The following ERBB4 variants were observed in gnomAD, a reference collection of about 807,000 sequenced individuals.
ERBB4 encodes the protein receptor tyrosine-protein kinase erbB-4.
Under a neutral mutation model 158.0 loss-of-function variants are expected in ERBB4, and 42 were observed. The observed-to-expected ratio is 0.27, with a 90% confidence interval of 0.21 to 0.34. The LOEUF (loss-of-function observed/expected upper bound fraction) is 0.34. ERBB4 is among the 10% of genes least tolerant of loss of function. The pLI, the probability that ERBB4 is intolerant of heterozygous loss-of-function variation, is 1.00. For synonymous variants in ERBB4, 583 were observed against 558.7 expected (o/e 1.04, Z -0.61); for missense variants, 1,333 against 1,624.1 (o/e 0.82, Z 3.08).
chr2:211,693,703 G>A (rs965150063), intron 12 of ERBB4, among the ~76,000 whole-genome samples: 4 of 152,144 alleles, frequency 2.6e-5, no homozygotes, highest in Non-Finnish European at 5.9e-5. Context: ...CCCACTGTCT[G>A]TGTTAGTTCC....
intron 1 of ERBB4, among the ~76,000 whole-genome samples, chr2:212,446,481 C>T (rs1329102386): frequency 1.4e-5 from 2 of 147,916 alleles, no homozygotes; most frequent in African/African-American, 5.0e-5. Context: ...CCACGTTCTT[C>T]AGTTTTGGGA....
chr2:211,786,508 G>A (rs2076168543), intron 4 of ERBB4, among the ~76,000 whole-genome samples: 1 of 152,036 alleles, frequency 6.6e-6, no homozygotes, highest in African/African-American at 2.4e-5. Context: ...AAACAATACA[G>A]CCACAGTTGC....
Position 211,382,415 on chromosome 2 carries a change from T to A in ERBB4, c.*1200A>T. On this transcript the variant is annotated 3_prime_UTR_variant, in exon 28 of 28. Transcript: ENST00000342788. ...TTTGGCATTTCCACAGTCTTTATCT[T>A]AGCTCTTTTTTTAAAAATGTACTTA... 1 of 232,622 alleles carries A rather than the reference T, an allele frequency of 4.3e-6. No individual in the cohort carries two copies. Among genetic ancestry groups the A allele is most frequent in the East Asian group, 6.1e-5 (1 of 16,422 alleles). The allele number at this position is 232,622 out of a possible 1,614,324, so 14.4% of individuals were successfully genotyped here.
intron 3 of ERBB4, among the ~76,000 whole-genome samples, chr2:211,841,614 A>G (rs915987964): frequency 2.6e-5 from 4 of 151,920 alleles, no homozygotes; most frequent in African/African-American, 9.7e-5. Context: ...CATTTCATAT[A>G]TTATTTTATT....
intron 5 of ERBB4, among the ~76,000 whole-genome samples, chr2:211,728,959 A>C (rs543790370): frequency 2.2e-4 from 34 of 151,906 alleles, no homozygotes; most frequent in African/African-American, 7.7e-4. Flanking sequence ...TTCACGTTAA[A>C]ATCATTTCTC....
At chr2:212,489,934 G>A (rs998202563) in intron 1 of ERBB4, among the ~76,000 whole-genome samples, 1 of 151,658 alleles carries the variant, frequency 6.6e-6, no homozygotes, top group Non-Finnish European at 1.5e-5. Context: ...ATCTCGAGTT[G>A]TCTTTTACTA....
chr2:211,392,014 A>C (rs2125330656), intron 25 of ERBB4, among the ~76,000 whole-genome samples: 1 of 152,272 alleles, frequency 6.6e-6, no homozygotes, highest in East Asian at 1.9e-4. Context: ...AATACTCCAA[A>C]TTCCTTTGAC....
intron 1 of ERBB4, among the ~76,000 whole-genome samples, chr2:212,486,562 C>A (rs1042822270): frequency 6.6e-6 from 1 of 152,084 alleles, no homozygotes; most frequent in African/African-American, 2.4e-5. Context: ...CTAGGTAGTA[C>A]CTTTTTTACT....
At chr2:212,537,893 G>A (rs1693187254) in intron 1 of ERBB4, among the ~76,000 whole-genome samples, 1 of 152,158 alleles carries the variant, frequency 6.6e-6, no homozygotes, top group African/African-American at 2.4e-5. Flanking sequence ...CGGCTGCCCG[G>A]GCTGGGCGCG....
At chr2:211,578,734 G>C (rs2125762826) in intron 19 of ERBB4, among the ~76,000 whole-genome samples, 1 of 152,168 alleles carries the variant, frequency 6.6e-6, no homozygotes, top group East Asian at 1.9e-4. Context: ...GTAGTGCTGG[G>C]AGAACTGGCT....
At chr2:212,146,452 T>C (rs1447855759) in intron 1 of ERBB4, among the ~76,000 whole-genome samples, 1 of 152,204 alleles carries the variant, frequency 6.6e-6, no homozygotes, top group Non-Finnish European at 1.5e-5. Context: ...AAACAATTCT[T>C]AGCTCAGTAA....
At chr2:211,489,603 TTTAA>T (rs1320006810) in intron 20 of ERBB4, among the ~76,000 whole-genome samples, 9 of 151,984 alleles carry the variant, frequency 5.9e-5, no homozygotes, top group Middle Eastern at 3.2e-3. Context: ...ATGTCAACAA[TTTAA>T]TTATTTAAGT....
At chr2:212,519,185 G>GTAGTATAGA (rs1176404732) in intron 1 of ERBB4, among the ~76,000 whole-genome samples, 1 of 151,960 alleles carries the variant, frequency 6.6e-6, no homozygotes, top group Non-Finnish European at 1.5e-5. Context: ...AAATAAGAAT[G>GTAGTATAGA]TAGTATAGAT....
intron 1 of ERBB4, among the ~76,000 whole-genome samples, chr2:212,297,832 A>G (rs2086469131): frequency 6.6e-6 from 1 of 151,686 alleles, no homozygotes; most frequent in Admixed American, 6.6e-5. Context: ...ATTATTTATT[A>G]TAAAGATATT....
At chr2:211,735,111 A>C (rs2074561846) in intron 5 of ERBB4, among the ~76,000 whole-genome samples, 1 of 152,144 alleles carries the variant, frequency 6.6e-6, no homozygotes. Flanking sequence ...CATATACCAA[A>C]TATTACCATA....
chr2:211,454,662 A>C (rs1350542122), intron 20 of ERBB4, among the ~76,000 whole-genome samples: 1 of 152,204 alleles, frequency 6.6e-6, no homozygotes, highest in Non-Finnish European at 1.5e-5. Flanking sequence ...GATGTCAGTC[A>C]GGGGGTTATT....
intron 13 of ERBB4, among the ~76,000 whole-genome samples, chr2:211,674,549 G>C (rs945192632): frequency 1.3e-5 from 2 of 152,082 alleles, no homozygotes; most frequent in East Asian, 1.9e-4. Context: ...TATAAAGTGA[G>C]ATAGCAGTTT....
intron 20 of ERBB4, among the ~76,000 whole-genome samples, chr2:211,437,678 A>G (rs1403196576): frequency 6.6e-6 from 1 of 152,206 alleles, no homozygotes; most frequent in African/African-American, 2.4e-5. Flanking sequence ...GTGGAGCTAA[A>G]AATTTCAAGC....
chr2:211,479,996 C>A (rs2065043854), intron 20 of ERBB4, among the ~76,000 whole-genome samples: 1 of 151,888 alleles, frequency 6.6e-6, no homozygotes, highest in Non-Finnish European at 1.5e-5. Context: ...AGGTTGTAGG[C>A]AATAGGTATG....
Sources: allele counts gnomAD v4.1 joint callset (sites outside exome capture counted in the v4.1 genomes callset), GRCh38; gene constraint gnomAD v4.1.1; transcripts MANE v1.5; gene names NCBI Gene and HGNC (gene_info 2026-07-23, HGNC 2026-07-21).